Variants in DNAJC24 observed in about 807,000 individuals in gnomAD.
DNAJC24 encodes DnaJ heat shock protein family (Hsp40) member C24, also known as dnaJ homolog subfamily C member 24.
A neutral mutation model predicts 18.0 loss-of-function variants in DNAJC24; 17 were observed. The observed-to-expected ratio is 0.94, with a 90% CI of 0.65 to 1.42. The LOEUF is 1.42. DNAJC24 is among the 40% of genes most tolerant of loss of function. DNAJC24 has a pLI of 0.00. For synonymous variants in DNAJC24, 55 were observed against 57.7 expected (o/e 0.95, Z 0.21); for missense variants, 158 against 175.6 (o/e 0.90, Z 0.57).
chr11:31,388,042 G>A (rs1372511277), intron 2 of DNAJC24, among the ~76,000 whole-genome samples: 2 of 151,842 alleles, frequency 1.3e-5, no homozygotes. Flanking sequence ...CTTGAAGACA[G>A]GCTCCTTGAA....
chr11:31,388,832 A>G (rs1202619608), intron 2 of DNAJC24, among the ~76,000 whole-genome samples: 1 of 152,166 alleles, frequency 6.6e-6, no homozygotes, highest in Admixed American at 6.5e-5. Context: ...GTATAATAAG[A>G]TATAAAATAG....
At chr11:31,426,396 AGGAATTTTCTATAAG>A in intron 4 of DNAJC24, 41 bp downstream of exon 4, 3 of 1,073,736 alleles carry the variant, frequency 2.8e-6, no homozygotes, top group Non-Finnish European at 4.0e-6. Context: ...TAAAAAAAAA[AGGAATTTTCTATAAG>A]AAAAAAAAAC....
At position 31,430,385 on chromosome 11, in the gene DNAJC24, T is replaced by C; in HGVS notation, c.434T>C (p.Leu145Pro). The change falls in exon 5 of 5, where the codon CTC (leucine) becomes CCC (proline). Residue 145 changes from leucine (L) to proline (P), a missense_variant. Coordinates refer to ENST00000465995, the MANE Select transcript of DNAJC24 (RefSeq NM_181706.5). Reference protein sequence around the residue: ...SCDTCSLIIELLHYN With the variant: ...SCDTCSLIIEPLHYN ...GATACATGTTCACTAATTATAGAACTCCTTCATTATAACTAAAATTGTTCA... is the reference window on the plus strand; with the variant it reads ...GATACATGTTCACTAATTATAGAACCCCTTCATTATAACTAAAATTGTTCA... 1 of 1,602,466 alleles carries C rather than the reference T, an allele frequency of 6.2e-7. No individual in the cohort carries two copies. The highest frequency in any genetic ancestry group is 8.5e-7 in the Non-Finnish European group (1 of 1,172,788).
chr11:31,413,803 A>G (rs569311965), intron 2 of DNAJC24, among the ~76,000 whole-genome samples: 1 of 152,214 alleles, frequency 6.6e-6, no homozygotes, highest in Non-Finnish European at 1.5e-5. Flanking sequence ...GAAAATTTAC[A>G]TATCTGAATA....
intron 2 of DNAJC24, among the ~76,000 whole-genome samples, chr11:31,399,227 CAA>C (rs1952574361): frequency 6.6e-6 from 1 of 152,062 alleles, no homozygotes; most frequent in Admixed American, 6.5e-5. Context: ...ATGTTACTAA[CAA>C]AAGGAATTGG....
Position 31,378,404 on chromosome 11 carries a change from G to A in DNAJC24, c.111+7545G>A, listed in dbSNP as rs151143282. The stretch of plus-strand genomic sequence containing the variant: ...ATTCTTTTTCGTGATAAAAGTGGTA[G>A]GAATAGCATTTTAAATGAATAACTT... On this transcript the variant is annotated intron_variant, in intron 2 of 4. Transcript: ENST00000465995. 9.2e-3 allele frequency among the ~76,000 whole-genome samples: 1,395 copies of A among 152,228 alleles called. 13 individuals carry two copies. The highest frequency in any genetic ancestry group is 0.027 in the South Asian group (130 of 4,830).
At chr11:31,382,060 G>T (rs1010908924) in intron 2 of DNAJC24, among the ~76,000 whole-genome samples, 1 of 152,132 alleles carries the variant, frequency 6.6e-6, no homozygotes, top group Non-Finnish European at 1.5e-5. Flanking sequence ...ATTTGTTAGG[G>T]TTAGTATATA....
intron 3 of DNAJC24, 98 bp from the exon 4 acceptor site, chr11:31,426,189 T>C: frequency 1.4e-6 from 1 of 727,034 alleles, no homozygotes; most frequent in East Asian, 2.9e-5. Flanking sequence ...TAAGTTAGAA[T>C]TGTAGTGGCC....
At chr11:31,377,561 T>A (rs1282220162) in intron 2 of DNAJC24, among the ~76,000 whole-genome samples, 1 of 152,122 alleles carries the variant, frequency 6.6e-6, no homozygotes, top group Middle Eastern at 3.2e-3. Flanking sequence ...AATTGTGAAT[T>A]GATTTTTAAA....
At chr11:31,377,809 T>C (rs1952333297) in intron 2 of DNAJC24, among the ~76,000 whole-genome samples, 2 of 152,132 alleles carry the variant, frequency 1.3e-5, no homozygotes. Context: ...AAAAGAGTTA[T>C]TGTGTTGGAA....
At chr11:31,420,437 C>A (rs1591921039) in intron 3 of DNAJC24, among the ~76,000 whole-genome samples, 1 of 152,058 alleles carries the variant, frequency 6.6e-6, no homozygotes, top group East Asian at 1.9e-4. Flanking sequence ...GTACTTCAGA[C>A]TTCAGCACTT....
intron 2 of DNAJC24, among the ~76,000 whole-genome samples, chr11:31,409,732 G>T (rs998237294): frequency 1.3e-5 from 2 of 151,980 alleles, no homozygotes; most frequent in Non-Finnish European, 2.9e-5. Context: ...GAATCTTTTC[G>T]TGGATGTGTG....
At chr11:31,376,197 T>G (rs1324300802) in intron 2 of DNAJC24, among the ~76,000 whole-genome samples, 1 of 152,216 alleles carries the variant, frequency 6.6e-6, no homozygotes, top group Non-Finnish European at 1.5e-5. Flanking sequence ...GCTTTTCGCC[T>G]TCTGCCATGA....
At chr11:31,392,142 G>C (rs1952502876) in intron 2 of DNAJC24, among the ~76,000 whole-genome samples, 1 of 152,084 alleles carries the variant, frequency 6.6e-6, no homozygotes, top group South Asian at 2.1e-4. Flanking sequence ...GATGGTTAAT[G>C]GTTCCAAAAA....
At chr11:31,388,964 A>G (rs1008373181) in intron 2 of DNAJC24, among the ~76,000 whole-genome samples, 2 of 152,210 alleles carry the variant, frequency 1.3e-5, no homozygotes, top group African/African-American at 4.8e-5. Context: ...GTTGTAAGAT[A>G]GTATTTGCAA....
chr11:31,393,131 GC>G (rs1361809681), intron 2 of DNAJC24, among the ~76,000 whole-genome samples: 1 of 152,160 alleles, frequency 6.6e-6, no homozygotes, highest in East Asian at 1.9e-4. Context: ...CGGCTTCTAT[GC>G]CCGAATACAG....
intron 2 of DNAJC24, among the ~76,000 whole-genome samples, chr11:31,413,424 G>A (rs982275232): frequency 3.4e-5 from 5 of 146,480 alleles, no homozygotes; most frequent in Admixed American, 7.0e-5. Flanking sequence ...TCTGCCTCCC[G>A]GGTTCACGCC....
intron 2 of DNAJC24, among the ~76,000 whole-genome samples, chr11:31,404,022 T>C (rs1323647109): frequency 1.3e-5 from 2 of 152,230 alleles, no homozygotes; most frequent in Non-Finnish European, 2.9e-5. Flanking sequence ...TTAGACCTTA[T>C]AGGATAACTT....
At chr11:31,372,595 T>C (rs981956487) in intron 2 of DNAJC24, among the ~76,000 whole-genome samples, 3 of 135,936 alleles carry the variant, frequency 2.2e-5, no homozygotes, top group African/African-American at 7.4e-5. Flanking sequence ...TTGTAGGCCA[T>C]GCTGGCCTTT....
Sources: gnomAD v4.1 joint callset for allele counts (sites outside exome capture counted in the v4.1 genomes callset) on GRCh38, gnomAD v4.1.1 for gene constraint, MANE v1.5 for transcripts, NCBI Gene and HGNC (gene_info 2026-07-23, HGNC 2026-07-21) for gene names.